The following LYZL4 variants were observed in gnomAD, a reference collection of about 807,000 sequenced individuals.
The protein encoded by LYZL4 is lysozyme like 4.
In LYZL4, 13 loss-of-function variants were observed where a neutral mutation model predicts 17.6. The ratio of observed to expected loss-of-function variants is 0.74; its 90% CI spans 0.48 to 1.18. The LOEUF is 1.18. Ranked by LOEUF, LYZL4 falls within the 50% of genes most tolerant of loss-of-function variation. The pLI is 0.00. For synonymous variants in LYZL4, 64 were observed against 67.7 expected (o/e 0.95, Z 0.27); for missense variants, 174 against 188.2 (o/e 0.92, Z 0.44).
chr3:42,409,385 C>T (rs939502775), intron 1 of LYZL4, among the ~76,000 whole-genome samples: 4 of 152,036 alleles, frequency 2.6e-5, no homozygotes, highest in African/African-American at 9.7e-5. Flanking sequence ...GCACATGTAC[C>T]CTGGAACTTA....
At chr3:42,380,183 G>A in the LYZL4 span, among the ~76,000 whole-genome samples, 3 of 152,352 alleles carry the variant, frequency 2.0e-5, no homozygotes, top group East Asian at 5.8e-4. Flanking sequence ...AGACAGATCA[G>A]TTGTCCATCC....
At chr3:42,362,871 A>G in the LYZL4 span, among the ~76,000 whole-genome samples, 1 of 152,336 alleles carries the variant, frequency 6.6e-6, no homozygotes, top group Admixed American at 6.5e-5. Flanking sequence ...GGTAGTCACT[A>G]ACTCAACTAA....
intron 1 of LYZL4, among the ~76,000 whole-genome samples, chr3:42,409,357 A>T (rs1372258248): frequency 6.6e-6 from 1 of 152,212 alleles, no homozygotes; most frequent in Non-Finnish European, 1.5e-5. Context: ...ATACTGATGT[A>T]TCAAACCTGT....
the LYZL4 span, among the ~76,000 whole-genome samples, chr3:42,374,411 A>G: frequency 2.1e-4 from 32 of 152,148 alleles, no homozygotes; most frequent in Admixed American, 5.9e-4. Context: ...GTACTTCTTG[A>G]CCTCTTCATC....
intron 4 of LYZL4, among the ~76,000 whole-genome samples, chr3:42,401,457 G>A (rs1698652096): frequency 6.6e-6 from 1 of 151,942 alleles, no homozygotes; most frequent in South Asian, 2.1e-4. Flanking sequence ...CTCAGGTGAT[G>A]CACCCACCTC....
the LYZL4 span, among the ~76,000 whole-genome samples, chr3:42,376,953 C>T: frequency 6.2e-3 from 946 of 152,262 alleles, 13 homozygotes; most frequent in African/African-American, 0.022. Flanking sequence ...CATATTAAAT[C>T]ATTCAGCAAA....
intron 4 of LYZL4, among the ~76,000 whole-genome samples, chr3:42,399,809 C>T (rs1212729561): frequency 2.0e-5 from 3 of 152,002 alleles, no homozygotes; most frequent in East Asian, 1.9e-4. Context: ...TCAACGAGCA[C>T]ATAGGGGGTT....
the LYZL4 span, among the ~76,000 whole-genome samples, chr3:42,370,233 A>T: frequency 1.3e-5 from 2 of 152,116 alleles, no homozygotes; most frequent in African/African-American, 4.8e-5. Flanking sequence ...GCCCCTATTT[A>T]GTAGTTACAG....
the LYZL4 span, among the ~76,000 whole-genome samples, chr3:42,367,818 A>C: frequency 1.3e-5 from 2 of 152,232 alleles, no homozygotes; most frequent in Non-Finnish European, 2.9e-5. Context: ...TAAACATTTA[A>C]AAAATATTCA....
chr3:42,363,553 C>T, the LYZL4 span, among the ~76,000 whole-genome samples: 1 of 152,238 alleles, frequency 6.6e-6, no homozygotes, highest in Middle Eastern at 3.4e-3. Flanking sequence ...TTCAACTTTG[C>T]TGTGTATTTG....
the LYZL4 span, among the ~76,000 whole-genome samples, chr3:42,375,121 C>CT: frequency 4.1e-4 from 62 of 152,148 alleles, no homozygotes; most frequent in African/African-American, 1.4e-3. Context: ...TAGTATCTGA[C>CT]TTTTTGGTGC....
At chr3:42,373,114 G>A in the LYZL4 span, among the ~76,000 whole-genome samples, 2 of 152,162 alleles carry the variant, frequency 1.3e-5, no homozygotes, top group African/African-American at 4.8e-5. Flanking sequence ...GGGAGGCTGA[G>A]GTAGGAGAAT....
At chr3:42,361,210 A>C in the LYZL4 span, among the ~76,000 whole-genome samples, 1 of 152,152 alleles carries the variant, frequency 6.6e-6, no homozygotes, top group Non-Finnish European at 1.5e-5. Flanking sequence ...TTTCTTTTAC[A>C]TATGGTAACA....
chr3:42,386,639 G>T, the LYZL4 span, among the ~76,000 whole-genome samples: 1 of 152,118 alleles, frequency 6.6e-6, no homozygotes, highest in Non-Finnish European at 1.5e-5. Flanking sequence ...GTAACAAAAA[G>T]TTAGATGATT....
the LYZL4 span, among the ~76,000 whole-genome samples, chr3:42,382,729 C>T: frequency 6.6e-6 from 1 of 151,888 alleles, no homozygotes; most frequent in Non-Finnish European, 1.5e-5. Flanking sequence ...AACAGCCTCC[C>T]TGAATGGCCT....
rs774018786 is a variant in LYZL4, at chr3:42,406,938, C to T, written c.200G>A (p.Arg67His). 3.1e-6 allele frequency: 5 copies of T among 1,614,216 alleles called. No individual in the cohort carries two copies. The highest frequency in any genetic ancestry group is 2.2e-5 in the East Asian group (1 of 44,888). Residue 67 changes from arginine (R) to histidine (H), a missense_variant, in exon 3 of 5, where the codon CGT becomes CAT. Coordinates refer to ENST00000287748, the MANE Select transcript of LYZL4 (RefSeq NM_144634.4). ...FNPMAIYENT[R>H]EGYTGFGLFQ... ...GAGGCCAAAGCCAGTGTAGCCCTCA[C>T]GTGTGTTCTCGTAGATGGCCATGGG...
chr3:42,402,885 C>A (rs78411861), intron 4 of LYZL4, among the ~76,000 whole-genome samples: 3 of 152,102 alleles, frequency 2.0e-5, no homozygotes, highest in African/African-American at 7.2e-5. Context: ...AAGTAACCTG[C>A]GGTGAATCCA....
chr3:42,360,780 G>T, the LYZL4 span, among the ~76,000 whole-genome samples: 39,421 of 149,452 alleles, frequency 0.26, 6,117 homozygotes, highest in East Asian at 0.46. Context: ...TTTATATGCA[G>T]TTTTTTTTTT....
chr3:42,369,078 C>T, the LYZL4 span, among the ~76,000 whole-genome samples: 1 of 152,218 alleles, frequency 6.6e-6, no homozygotes, highest in African/African-American at 2.4e-5. Context: ...CAGTTCTCTG[C>T]AGATTTAATT....
Sources: allele counts gnomAD v4.1 joint callset (sites outside exome capture counted in the v4.1 genomes callset), GRCh38; gene constraint gnomAD v4.1.1; transcripts MANE v1.5; gene names NCBI Gene and HGNC (gene_info 2026-07-23, HGNC 2026-07-21).